The following FAM13C variants were observed in gnomAD, a reference collection of about 807,000 sequenced individuals.
The protein encoded by FAM13C is family with sequence similarity 13 member C, also known as protein FAM13C.
FAM13C carries 37 observed loss-of-function variants against 73.2 expected under a neutral mutation model. The observed-to-expected ratio is 0.51, with a 90% CI of 0.39 to 0.67. FAM13C has a LOEUF of 0.67. FAM13C is among the 30% of genes least tolerant of loss of function. FAM13C has a pLI of 0.00. For synonymous variants in FAM13C, 246 were observed against 260.9 expected (o/e 0.94, Z 0.55); for missense variants, 589 against 715.6 (o/e 0.82, Z 2.02).
At chr10:59,272,593 A>C (rs1285188602) in intron 6 of FAM13C, among the ~76,000 whole-genome samples, 1 of 152,160 alleles carries the variant, frequency 6.6e-6, no homozygotes, top group Non-Finnish European at 1.5e-5. Context: ...ATCCCCAAGG[A>C]AGGGGCAGCT....
At chr10:59,302,907 T>G (rs1323474516) in intron 4 of FAM13C, 43 bp from the exon 5 acceptor site, 2 of 1,577,764 alleles carry the variant, frequency 1.3e-6, no homozygotes. Context: ...AAAAGAAACG[T>G]TTCAGTGATG....
chr10:59,332,492 A>T (rs1027518207), intron 3 of FAM13C, among the ~76,000 whole-genome samples: 1 of 152,184 alleles, frequency 6.6e-6, no homozygotes, highest in Non-Finnish European at 1.5e-5. Context: ...AAGGAAGCTC[A>T]TTGCCTGACC....
chr10:59,302,173 C>G (rs1056173231), intron 5 of FAM13C, among the ~76,000 whole-genome samples: 8 of 152,112 alleles, frequency 5.3e-5, no homozygotes, highest in Non-Finnish European at 1.2e-4. Context: ...GTATTCCAAA[C>G]CAATGTCTTA....
At chr10:59,261,591 T>G (rs1027221015) in intron 10 of FAM13C, among the ~76,000 whole-genome samples, 1 of 152,078 alleles carries the variant, frequency 6.6e-6, no homozygotes, top group African/African-American at 2.4e-5. Context: ...TCATGACCTA[T>G]AAATAGTGCT....
At chr10:59,360,443 C>T (rs925511469) in intron 1 of FAM13C, among the ~76,000 whole-genome samples, 8 of 152,088 alleles carry the variant, frequency 5.3e-5, no homozygotes, top group African/African-American at 1.9e-4. Context: ...AAAGTCCCTC[C>T]TCCGTGTAGG....
intron 5 of FAM13C, chr10:59,296,957 T>C (rs377175918): frequency 3.3e-5 from 5 of 152,218 alleles, no homozygotes; most frequent in Non-Finnish European, 7.3e-5. Context: ...CCTTATTCTA[T>C]AAACACAAAG....
At chr10:59,337,964 G>A (rs1235936757) in intron 3 of FAM13C, among the ~76,000 whole-genome samples, 5 of 151,998 alleles carry the variant, frequency 3.3e-5, no homozygotes, top group Admixed American at 1.3e-4. Flanking sequence ...ACAGGCGTGA[G>A]ACACCATGCC....
chr10:59,328,347 A>T (rs1432862663), intron 3 of FAM13C, among the ~76,000 whole-genome samples: 1 of 152,238 alleles, frequency 6.6e-6, no homozygotes, highest in African/African-American at 2.4e-5. Context: ...GTGAAATATG[A>T]TATTTTGTTC....
chr10:59,355,819 A>C, intron 2 of FAM13C, 68 bp downstream of exon 2: 3 of 1,406,162 alleles, frequency 2.1e-6, no homozygotes, highest in Non-Finnish European at 3.0e-6. Flanking sequence ...TAGAATTCAA[A>C]GGAAAGCCAC....
chr10:59,295,410 G>A (rs978985917), intron 5 of FAM13C, among the ~76,000 whole-genome samples: 2 of 152,186 alleles, frequency 1.3e-5, no homozygotes, highest in East Asian at 1.9e-4. Flanking sequence ...AGGGTGAGGA[G>A]GGGGAGTGTG....
chr10:59,289,928 T>G (rs1407887725), intron 5 of FAM13C, among the ~76,000 whole-genome samples: 1 of 152,086 alleles, frequency 6.6e-6, no homozygotes, highest in Non-Finnish European at 1.5e-5. Context: ...CTGGTTTATA[T>G]CCAAAGTCTC....
chr10:59,285,879 T>C (rs544015005), intron 5 of FAM13C, among the ~76,000 whole-genome samples: 1 of 152,312 alleles, frequency 6.6e-6, no homozygotes, highest in African/African-American at 2.4e-5. Flanking sequence ...CAGGAGAAAT[T>C]GACCCTGCTG....
At chr10:59,247,972 G>T (rs1219333242) in intron 13 of FAM13C, among the ~76,000 whole-genome samples, 1 of 151,962 alleles carries the variant, frequency 6.6e-6, no homozygotes, top group Non-Finnish European at 1.5e-5. Context: ...CAAATATGTG[G>T]TCTAGTGCTT....
chr10:59,334,864 G>C (rs1852520229), intron 3 of FAM13C, among the ~76,000 whole-genome samples: 1 of 152,048 alleles, frequency 6.6e-6, no homozygotes, highest in South Asian at 2.1e-4. Flanking sequence ...TAACTAACCT[G>C]CACGTTGGGC....
At chr10:59,290,103 T>C (rs1291833425) in intron 5 of FAM13C, among the ~76,000 whole-genome samples, 1 of 152,204 alleles carries the variant, frequency 6.6e-6, no homozygotes, top group Non-Finnish European at 1.5e-5. Context: ...AGCTAATTTT[T>C]CCCATTTACA....
At chr10:59,285,931 A>C (rs955054357) in intron 5 of FAM13C, among the ~76,000 whole-genome samples, 1 of 151,178 alleles carries the variant, frequency 6.6e-6, no homozygotes, top group Non-Finnish European at 1.5e-5. Context: ...ACTGTGAAAA[A>C]ATACATTTCT....
At chr10:59,345,161 A>G (rs1036062171) in intron 3 of FAM13C, among the ~76,000 whole-genome samples, 1 of 152,202 alleles carries the variant, frequency 6.6e-6, no homozygotes, top group African/African-American at 2.4e-5. Context: ...AGCAGCATGT[A>G]AGCAGAGATC....
chr10:59,321,180 G>T (rs576015876), intron 4 of FAM13C, among the ~76,000 whole-genome samples: 9 of 152,116 alleles, frequency 5.9e-5, no homozygotes, highest in Non-Finnish European at 1.0e-4. Context: ...AGGACCTCGA[G>T]ATAGGGAAAT....
intron 3 of FAM13C, among the ~76,000 whole-genome samples, chr10:59,336,057 T>G (rs1236885096): frequency 6.6e-6 from 1 of 152,188 alleles, no homozygotes; most frequent in African/African-American, 2.4e-5. Flanking sequence ...AAACAAACTC[T>G]AAGTAACTTA....
Sources: allele counts gnomAD v4.1 joint callset (sites outside exome capture counted in the v4.1 genomes callset), GRCh38; gene constraint gnomAD v4.1.1; transcripts MANE v1.5; gene names NCBI Gene and HGNC (gene_info 2026-07-23, HGNC 2026-07-21).